Variants in COX7A2 observed in about 807,000 individuals in gnomAD.
COX7A2 encodes the protein cytochrome c oxidase subunit 7A2, mitochondrial.
Under a neutral mutation model 11.6 loss-of-function variants are expected in COX7A2, and 11 were observed. The observed-to-expected ratio is 0.95, with a 90% confidence interval of 0.60 to 1.57. The LOEUF is 1.57. Among genes scored for constraint, COX7A2 ranks in the 40% most tolerant of loss-of-function variants. COX7A2 has a pLI of 0.00. For missense variants in COX7A2, 106 were observed against 100.9 expected (o/e 1.05, Z -0.22); for synonymous variants, 30 against 38.2 (o/e 0.78, Z 0.79).
chr6:75,243,329 T>C (rs1771577515), intron 1 of COX7A2, among the ~76,000 whole-genome samples: 1 of 152,122 alleles, frequency 6.6e-6, no homozygotes, highest in Admixed American at 6.5e-5. Flanking sequence ...CTTAAAACCT[T>C]TCAGTACCAG....
In COX7A2 at chr6:75,237,959, C is replaced by T; in HGVS notation, c.223G>A (p.Val75Met). 1 of 1,605,790 alleles carries T rather than the reference C, an allele frequency of 6.2e-7. No homozygotes were observed. The highest frequency in any genetic ancestry group is 8.5e-7 in the Non-Finnish European group (1 of 1,174,704). Reference protein sequence around the residue: ...GTAYAIYELAVASFPKKQE With the variant: ...GTAYAIYELAMASFPKKQE ...TCCTGCTTCTTGGGAAATGAAGCCA[C>T]AGCCAGCTCATATATGGCATATGCT... The change falls in exon 4 of 4, where the codon GTG becomes ATG. Residue 75 changes from valine (V) to methionine (M), a missense_variant. Val to Met is a conservative substitution (Grantham distance 21). Transcript: ENST00000684430.
At chr6:75,243,611 A>T in intron 1 of COX7A2, 106 bp downstream of exon 1, 1 of 1,022,498 alleles carries the variant, frequency 9.8e-7, no homozygotes, top group Non-Finnish European at 1.5e-6. Context: ...TGACTTCATT[A>T]GCCGCCTTCG....
chr6:75,240,488 C>T (rs1771465465), intron 2 of COX7A2, 103 bp from the exon 3 acceptor site: 2 of 706,736 alleles, frequency 2.8e-6, no homozygotes, highest in South Asian at 4.4e-5. Context: ...TCCTTAAATC[C>T]CTAGAATTAA....
chr6:75,245,962 A>AT (rs1771673425), upstream of COX7A2, among the ~76,000 whole-genome samples: 1 of 152,174 alleles, frequency 6.6e-6, no homozygotes, highest in Admixed American at 6.5e-5. Context: ...TGGTTCTCCT[A>AT]TTTTAGTGGC....
intron 1 of COX7A2, among the ~76,000 whole-genome samples, chr6:75,242,172 A>G (rs969399392): frequency 1.3e-5 from 2 of 150,042 alleles, no homozygotes; most frequent in African/African-American, 4.9e-5. Flanking sequence ...TGCACTACAG[A>G]CTGGGCAAAA....
At chr6:75,238,594 C>T (rs2149508804) in intron 3 of COX7A2, among the ~76,000 whole-genome samples, 1 of 147,876 alleles carries the variant, frequency 6.8e-6, no homozygotes, top group East Asian at 2.1e-4. Context: ...ATCCCAGCTA[C>T]TTGGGAGGCT....
intron 1 of COX7A2, chr6:75,241,740 G>A (rs1156759082): frequency 2.0e-5 from 3 of 152,494 alleles, no homozygotes; most frequent in South Asian, 2.1e-4. Flanking sequence ...CCTGAAGTCA[G>A]GAGTTCGAGA....
upstream of COX7A2, among the ~76,000 whole-genome samples, chr6:75,245,501 A>T (rs1292698119): frequency 6.6e-6 from 1 of 151,704 alleles, no homozygotes; most frequent in Non-Finnish European, 1.5e-5. Flanking sequence ...AAAAAAAAAA[A>T]AAAAGCCATG....
At chr6:75,240,194 G>A (rs1179072517) in intron 3 of COX7A2, 107 bp downstream of exon 3, 2 of 780,672 alleles carry the variant, frequency 2.6e-6, no homozygotes. Flanking sequence ...TCAAATTCTG[G>A]AGACAAACTG....
chr6:75,244,348 GAACTCCCC>G (rs1420192552), upstream of COX7A2, among the ~76,000 whole-genome samples: 1 of 152,162 alleles, frequency 6.6e-6, no homozygotes, highest in African/African-American at 2.4e-5. Context: ...GACTGCTGCA[GAACTCCCC>G]AAGCAAGAAG....
upstream of COX7A2, among the ~76,000 whole-genome samples, chr6:75,247,135 C>G (rs924122793): frequency 2.0e-5 from 3 of 152,186 alleles, no homozygotes; most frequent in African/African-American, 7.2e-5. Flanking sequence ...AGATGGACAT[C>G]AGATGCGAAA....
intron 1 of COX7A2, among the ~76,000 whole-genome samples, chr6:75,249,039 C>T (rs965583998): frequency 1.5e-4 from 23 of 152,102 alleles, no homozygotes; most frequent in African/African-American, 5.3e-4. Flanking sequence ...GGGCAGATCA[C>T]GAGGTCAAGA....
chr6:75,243,475 C>G (rs889954792), intron 1 of COX7A2, among the ~76,000 whole-genome samples: 12 of 152,146 alleles, frequency 7.9e-5, no homozygotes, highest in African/African-American at 2.9e-4. Context: ...CAAGACGGGT[C>G]TAACCCACGA....
At position 75,243,776 on chromosome 6, in the gene COX7A2, C is replaced by A. The variant is rs756588219; in HGVS notation, c.-42G>T. Reference sequence around the variant, plus strand: ...CAGCAACCGCCACAACTGAACACCACCAACGAAAATGGCCACGCCGGAACC... The same window carrying A: ...CAGCAACCGCCACAACTGAACACCAACAACGAAAATGGCCACGCCGGAACC... On this transcript the variant is annotated 5_prime_UTR_variant, in exon 1 of 4. Transcript: ENST00000684430. 6.2e-7 allele frequency: 1 copy of A among 1,614,156 alleles called. No individual in the cohort carries two copies. The highest frequency in any genetic ancestry group is 8.5e-7 in the Non-Finnish European group (1 of 1,179,996).
intron 2 of COX7A2, 86 bp from the exon 3 acceptor site, chr6:75,240,471 A>G: frequency 1.2e-6 from 1 of 838,010 alleles, no homozygotes; most frequent in Non-Finnish European, 1.8e-6. Flanking sequence ...ATATAAAATG[A>G]TATAGCTCCT....
At chr6:75,238,056 C>T in intron 3 of COX7A2, 68 bp from the exon 4 acceptor site, 1 of 1,118,062 alleles carries the variant, frequency 8.9e-7, no homozygotes, top group Non-Finnish European at 1.2e-6. Context: ...ATTTAATATT[C>T]CAGTTCAAAA....
At chr6:75,239,404 TAG>T (rs1015357321) in intron 3 of COX7A2, among the ~76,000 whole-genome samples, 1 of 152,106 alleles carries the variant, frequency 6.6e-6, no homozygotes, top group Admixed American at 6.5e-5. Flanking sequence ...GGTGTGAGAG[TAG>T]AGTTTCCCAA....
At chr6:75,239,051 G>A (rs117525541) in intron 3 of COX7A2, among the ~76,000 whole-genome samples, 5,689 of 152,252 alleles carry the variant, frequency 0.037, 169 homozygotes, top group East Asian at 0.093. Flanking sequence ...CTGACCTCAG[G>A]TGATCTGCCA....
rs1771454785 is a variant in COX7A2, at chr6:75,240,309, G to A, written c.185C>T (p.Thr62Ile). The change falls in exon 3 of 4, where the codon ACA becomes ATA. Residue 62 changes from threonine (T) to isoleucine (I), a missense_variant. Coordinates refer to ENST00000684430, the MANE Select transcript of COX7A2 (RefSeq NM_001366293.2). ...CATTCCAAAGGCCTTACCACCAACTGTAAGAATCATGGTGGCTCTATACAG... is the reference window on the plus strand; with the variant it reads ...CATTCCAAAGGCCTTACCACCAACTATAAGAATCATGGTGGCTCTATACAG... ...ALLYRATMIL[T>I]VGGTAYAIYE... 1 of 1,607,174 alleles carries A rather than the reference G, an allele frequency of 6.2e-7. No individual in the cohort carries two copies. Among genetic ancestry groups the A allele is most frequent in the Non-Finnish European group, 8.5e-7 (1 of 1,176,756 alleles).
Sources: allele counts gnomAD v4.1 joint callset (sites outside exome capture counted in the v4.1 genomes callset), GRCh38; gene constraint gnomAD v4.1.1; transcripts MANE v1.5; gene names NCBI Gene and HGNC (gene_info 2026-07-23, HGNC 2026-07-21).